The following CTDSPL2 variants were observed in gnomAD, a reference collection of about 807,000 sequenced individuals.
CTDSPL2 encodes CTD small phosphatase-like protein 2.
CTDSPL2 carries 5 observed loss-of-function variants against 60.0 expected under a neutral mutation model. The observed-to-expected ratio is 0.08, with a 90% CI of 0.04 to 0.18. The LOEUF is 0.18. Ranked by LOEUF, CTDSPL2 falls within the 10% of genes least tolerant of loss-of-function variation. The pLI is 1.00. For synonymous variants in CTDSPL2, 186 were observed against 189.3 expected (o/e 0.98, Z 0.14); for missense variants, 370 against 548.8 (o/e 0.67, Z 3.26).
At chr15:44,456,577 A>T (rs1272981016) in intron 1 of CTDSPL2, among the ~76,000 whole-genome samples, 1 of 152,070 alleles carries the variant, frequency 6.6e-6, no homozygotes, top group Admixed American at 6.5e-5. Flanking sequence ...ATTTCTGTGG[A>T]ATCAGTGATG....
chr15:44,460,299 G>A (rs1339393937), intron 2 of CTDSPL2, among the ~76,000 whole-genome samples: 1 of 151,976 alleles, frequency 6.6e-6, no homozygotes, highest in Non-Finnish European at 1.5e-5. Context: ...TAGTAGAGAC[G>A]GGTTTTCACT....
intron 1 of CTDSPL2, among the ~76,000 whole-genome samples, chr15:44,457,325 C>T (rs531502760): frequency 6.6e-6 from 1 of 152,232 alleles, no homozygotes; most frequent in South Asian, 2.1e-4. Context: ...TTCTGGATAA[C>T]TTGCCTCCAC....
At chr15:44,474,959 G>A (rs909482333) in intron 2 of CTDSPL2, among the ~76,000 whole-genome samples, 2 of 152,012 alleles carry the variant, frequency 1.3e-5, no homozygotes, top group Non-Finnish European at 2.9e-5. Flanking sequence ...AACACAAGTT[G>A]TTCTAGAATG....
At chr15:44,463,330 C>CGGGGTT (rs1555433081) in intron 2 of CTDSPL2, among the ~76,000 whole-genome samples, 1 of 150,550 alleles carries the variant, frequency 6.6e-6, no homozygotes, top group Admixed American at 6.6e-5. Context: ...TTAGTAGAGA[C>CGGGGTT]GGGGTTTTGC....
chr15:44,439,535 GT>G lies in CTDSPL2; in HGVS notation c.-25+11771del, dbSNP rs144857202. The stretch of plus-strand genomic sequence containing the variant: ...AGACCGAAAGTCTCTGTATTTTTAT[GT>G]TTTTTTTGGGGGGGGGGGAATATTT... On this transcript the variant is annotated intron_variant, in intron 1 of 12. Coordinates refer to ENST00000260327, the MANE Select transcript of CTDSPL2 (RefSeq NM_016396.3). Among the ~76,000 whole-genome samples the G allele has an allele frequency of 2.7e-5, 4 of 147,070 alleles. No homozygotes were observed. In the South Asian group the frequency reaches 6.6e-4, roughly 24 times the overall value.
At chr15:44,506,660 C>T (rs1202969335) in intron 8 of CTDSPL2, among the ~76,000 whole-genome samples, 3 of 151,964 alleles carry the variant, frequency 2.0e-5, no homozygotes, top group Non-Finnish European at 4.4e-5. Flanking sequence ...AGCAATCCAC[C>T]CAGTTCAGAC....
chr15:44,494,309 TAGTA>T (rs1595756851), intron 5 of CTDSPL2, among the ~76,000 whole-genome samples: 1 of 152,112 alleles, frequency 6.6e-6, no homozygotes, highest in Non-Finnish European at 1.5e-5. Context: ...AGAAGTAAAA[TAGTA>T]AGTCTTCTAA....
At chr15:44,448,601 C>A in intron 1 of CTDSPL2, 1 of 295,810 alleles carries the variant, frequency 3.4e-6, no homozygotes, top group South Asian at 3.7e-5. Flanking sequence ...CCAAATTGAC[C>A]CACATTTTCC....
At chr15:44,495,205 G>A (rs1325358367) in intron 5 of CTDSPL2, among the ~76,000 whole-genome samples, 1 of 152,056 alleles carries the variant, frequency 6.6e-6, no homozygotes, top group Admixed American at 6.5e-5. Flanking sequence ...CCTGACCTCA[G>A]GTGATCCGCC....
At chr15:44,489,129 C>G (rs935159714) in intron 4 of CTDSPL2, among the ~76,000 whole-genome samples, 7 of 150,984 alleles carry the variant, frequency 4.6e-5, no homozygotes, top group Non-Finnish European at 8.8e-5. Context: ...ACATCTGTCT[C>G]TTCCCCCCTC....
Position 44,459,454 on chromosome 15 carries a change from G to A in CTDSPL2, c.186+254G>A, listed in dbSNP as rs1398438869. ...AGGCAGGAGAATGGCTTGAACCCTA[G>A]GGGGCGGAGCCTGTAGTGAGCCGAG... On this transcript the variant is annotated intron_variant, in intron 2 of 12. Transcript: ENST00000260327. 2.6e-5 allele frequency among the ~76,000 whole-genome samples: 4 copies of A among 152,156 alleles called. No homozygotes were observed. In the East Asian group the frequency reaches 7.7e-4, roughly 29 times the overall value.
At chr15:44,430,649 T>A (rs941404128) in intron 1 of CTDSPL2, among the ~76,000 whole-genome samples, 3 of 152,194 alleles carry the variant, frequency 2.0e-5, no homozygotes, top group Non-Finnish European at 4.4e-5. Context: ...AATATCTAAT[T>A]GTAACTTACC....
chr15:44,437,335 T>A (rs1409498280), intron 1 of CTDSPL2, among the ~76,000 whole-genome samples: 1 of 152,202 alleles, frequency 6.6e-6, no homozygotes, highest in Non-Finnish European at 1.5e-5. Context: ...TCTCTTAATG[T>A]TGTTTAGGTA....
intron 8 of CTDSPL2, among the ~76,000 whole-genome samples, chr15:44,507,085 T>G (rs1045815846): frequency 2.9e-5 from 4 of 138,278 alleles, no homozygotes; most frequent in African/African-American, 1.1e-4. Flanking sequence ...TTGTTTTTTG[T>G]TTTTTTTTTT....
chr15:44,506,780 T>G (rs2081474415), intron 8 of CTDSPL2, among the ~76,000 whole-genome samples: 1 of 151,820 alleles, frequency 6.6e-6, no homozygotes, highest in Non-Finnish European at 1.5e-5. Flanking sequence ...AGGAACTTTT[T>G]TTTTGAGACA....
intron 8 of CTDSPL2, among the ~76,000 whole-genome samples, chr15:44,508,442 T>A (rs2081508947): frequency 6.6e-6 from 1 of 152,174 alleles, no homozygotes; most frequent in Non-Finnish European, 1.5e-5. Context: ...TTCTACTGTT[T>A]TAATTCTTCT....
intron 5 of CTDSPL2, among the ~76,000 whole-genome samples, chr15:44,492,455 G>A (rs1229564028): frequency 6.6e-6 from 1 of 152,168 alleles, no homozygotes; most frequent in African/African-American, 2.4e-5. Context: ...GTTTATCAGG[G>A]TGTTAAATGC....
chr15:44,434,532 T>C (rs1477776427), intron 1 of CTDSPL2, among the ~76,000 whole-genome samples: 3 of 152,230 alleles, frequency 2.0e-5, no homozygotes, highest in Non-Finnish European at 4.4e-5. Context: ...TAGTTGGAAC[T>C]ACAGGTGTGC....
chr15:44,465,422 T>G (rs756309491), intron 2 of CTDSPL2, among the ~76,000 whole-genome samples: 1 of 152,156 alleles, frequency 6.6e-6, no homozygotes, highest in African/African-American at 2.4e-5. Flanking sequence ...GAATGCAGTT[T>G]TAATGAAATA....
Sources: allele counts gnomAD v4.1 joint callset (sites outside exome capture counted in the v4.1 genomes callset), GRCh38; gene constraint gnomAD v4.1.1; transcripts MANE v1.5; gene names NCBI Gene and HGNC (gene_info 2026-07-23, HGNC 2026-07-21).